MAP2K5: variants seen among roughly 807,000 people sequenced by gnomAD.
MAP2K5 encodes the protein dual specificity mitogen-activated protein kinase kinase 5.
MAP2K5 carries 49 observed loss-of-function variants against 83.1 expected under a neutral mutation model. That is an observed-to-expected ratio of 0.59 (90% CI 0.47 to 0.75). MAP2K5 has a LOEUF of 0.75. Among genes scored for constraint, MAP2K5 ranks in the 30% least tolerant of loss-of-function variants. The probability of loss-of-function intolerance (pLI) is 0.00; values close to 1 mark genes in which losing one functional copy is unlikely to be tolerated. For missense variants in MAP2K5, 457 were observed against 557.5 expected (o/e 0.82, Z 1.82); for synonymous variants, 202 against 191.8 (o/e 1.05, Z -0.44).
chr15:67,641,830 T>C (rs1435258649), intron 9 of MAP2K5, among the ~76,000 whole-genome samples: 1 of 152,204 alleles, frequency 6.6e-6, no homozygotes, highest in East Asian at 1.9e-4. Context: ...CTTTTTGCCA[T>C]TGCCTTCAAA....
chr15:67,733,756 A>G (rs2089277036), intron 17 of MAP2K5, among the ~76,000 whole-genome samples: 1 of 152,236 alleles, frequency 6.6e-6, no homozygotes, highest in Non-Finnish European at 1.5e-5. Context: ...TTAAATCCCA[A>G]TACAAGTTAA....
chr15:67,612,339 T>G (rs944979351), intron 8 of MAP2K5, among the ~76,000 whole-genome samples: 1 of 152,210 alleles, frequency 6.6e-6, no homozygotes, highest in Admixed American at 6.5e-5. Context: ...AACAGAATGT[T>G]GCCTAATTTT....
At chr15:67,679,389 G>T (rs1033616918) in intron 13 of MAP2K5, among the ~76,000 whole-genome samples, 1 of 152,084 alleles carries the variant, frequency 6.6e-6, no homozygotes. Context: ...CCAATTCAGT[G>T]GGGGGAAAAA....
chr15:67,601,690 C>T (rs1596629985), intron 8 of MAP2K5, among the ~76,000 whole-genome samples: 2 of 152,246 alleles, frequency 1.3e-5, no homozygotes, highest in East Asian at 1.9e-4. Flanking sequence ...TCTGACTAAC[C>T]ACATGAATAC....
At position 67,733,228 on chromosome 15, in the gene MAP2K5, A is replaced by G. The variant is rs555388413; in HGVS notation, c.1074+5283A>G. On this transcript the variant is annotated intron_variant, in intron 17 of 21. Transcript: ENST00000178640. ...TCAGACTTGATCTGATGTTTATACAACCGCCAGCGGAATTTTTTCGTTTGA... is the reference window on the plus strand; with the variant it reads ...TCAGACTTGATCTGATGTTTATACAGCCGCCAGCGGAATTTTTTCGTTTGA... Among the ~76,000 whole-genome samples the G allele has an allele frequency of 2.0e-5, 3 of 152,198 alleles. No homozygotes were observed. In the East Asian group the frequency reaches 5.8e-4, roughly 29 times the overall value.
intron 13 of MAP2K5, among the ~76,000 whole-genome samples, chr15:67,675,147 A>G (rs961910160): frequency 1.6e-4 from 24 of 152,162 alleles, no homozygotes; most frequent in Non-Finnish European, 3.1e-4. Flanking sequence ...ACCTGTACGC[A>G]AGTGTTTATT....
intron 21 of MAP2K5, among the ~76,000 whole-genome samples, chr15:67,805,266 T>C (rs534126680): frequency 6.6e-6 from 1 of 152,260 alleles, no homozygotes; most frequent in East Asian, 1.9e-4. Context: ...AATGAGAAGG[T>C]TGGGGGCGGG....
intron 12 of MAP2K5, among the ~76,000 whole-genome samples, chr15:67,661,169 G>A (rs1404051460): frequency 6.6e-6 from 1 of 151,732 alleles, no homozygotes; most frequent in Non-Finnish European, 1.5e-5. Flanking sequence ...TTCCCCCAAA[G>A]GAATTTATAT....
intron 13 of MAP2K5, among the ~76,000 whole-genome samples, chr15:67,683,317 A>G (rs1179915306): frequency 1.3e-5 from 2 of 152,210 alleles, no homozygotes; most frequent in African/African-American, 2.4e-5. Context: ...AAGGGATTCT[A>G]TTTGCTTCAA....
intron 11 of MAP2K5, among the ~76,000 whole-genome samples, chr15:67,647,064 A>G (rs1360300123): frequency 6.6e-6 from 1 of 152,182 alleles, no homozygotes; most frequent in Non-Finnish European, 1.5e-5. Context: ...TGATGTCATC[A>G]TTATTATTAT....
chr15:67,683,819 T>C lies in MAP2K5; in HGVS notation c.848-8660T>C, dbSNP rs2087882592. 3.3e-5 allele frequency among the ~76,000 whole-genome samples: 5 copies of C among 152,176 alleles called. No individual in the cohort carries two copies. In the South Asian group the frequency reaches 1.0e-3, roughly 31 times the overall value. ...CTTCTACTTCTGCCCATGGAGTCAC[T>C]GCTGTGGGATTTGCCCTCCACCAAA... On this transcript the variant is annotated intron_variant, in intron 13 of 21. Transcript: ENST00000178640.
chr15:67,608,496 C>T (rs1197635957), intron 8 of MAP2K5, among the ~76,000 whole-genome samples: 1 of 152,148 alleles, frequency 6.6e-6, no homozygotes, highest in Non-Finnish European at 1.5e-5. Flanking sequence ...CAGGACCCCA[C>T]AGTCTGGGGC....
intron 8 of MAP2K5, among the ~76,000 whole-genome samples, chr15:67,621,453 C>T (rs1002620271): frequency 1.9e-5 from 2 of 105,088 alleles, no homozygotes; most frequent in Non-Finnish European, 4.2e-5. Flanking sequence ...AAAAAAAGAA[C>T]AAAAGTTAAT....
intron 12 of MAP2K5, among the ~76,000 whole-genome samples, chr15:67,662,911 T>C (rs2087274285): frequency 6.6e-6 from 1 of 152,178 alleles, no homozygotes; most frequent in African/African-American, 2.4e-5. Context: ...ACTTCATTCT[T>C]TCCTGCCCCA....
In MAP2K5 at chr15:67,626,772, C is replaced by T. The variant is rs867195442; in HGVS notation, c.546-4116C>T. On this transcript the variant is annotated intron_variant, in intron 8 of 21. Coordinates refer to ENST00000178640, the MANE Select transcript of MAP2K5 (RefSeq NM_145160.3). ...AAAATTAGCCAGGCATGGTGGTATA[C>T]TCCTGTAGTACCAGCGGTTTGGGAG... is the stretch of plus-strand genomic sequence containing the variant. Among the ~76,000 whole-genome samples, 6 of 151,410 alleles carry T rather than the reference C, an allele frequency of 4.0e-5. No individual in the cohort carries two copies. In the South Asian group the frequency reaches 1.3e-3, roughly 32 times the overall value.
rs1234690540 is a variant in MAP2K5, at chr15:67,777,854, G to A, written c.1242+5102G>A. ...AGGCATTTAGCATTTCCTCAGGTTT[G>A]GTTTTCAATTTAGGCACCTAAAAAG... On this transcript the variant is annotated intron_variant, in intron 21 of 21. Transcript: ENST00000178640. This position sits in a 1 kb window ranked among gnomAD's most constrained non-coding sequence, Gnocchi z 6.0. 6.6e-6 allele frequency among the ~76,000 whole-genome samples: 1 copy of A among 152,164 alleles called. No homozygotes were observed.
chr15:67,754,509 A>G (rs1027981493), intron 19 of MAP2K5, among the ~76,000 whole-genome samples: 2 of 152,198 alleles, frequency 1.3e-5, no homozygotes, highest in African/African-American at 4.8e-5. Context: ...CCTGTGCTGG[A>G]TGACTTCATG....
rs1466979594 is a variant in MAP2K5 at position 67,750,434 on chromosome 15, A to G, written c.1134+1833A>G. Among the ~76,000 whole-genome samples, 2 of 152,212 alleles carry G rather than the reference A, an allele frequency of 1.3e-5. No homozygotes were observed. The highest frequency in any genetic ancestry group is 2.9e-5 in the Non-Finnish European group (2 of 68,040). On this transcript the variant is annotated intron_variant, in intron 19 of 21. Transcript: ENST00000178640. This position sits in a 1 kb window ranked among gnomAD's most constrained non-coding sequence, Gnocchi z 4.2. The stretch of plus-strand genomic sequence containing the variant: ...CAAGATGAATCATAGCATCTCGGAA[A>G]GGAAGGATTGGTGGGGTCCTGTACT...
At chr15:67,753,941 G>A (rs1469830957) in intron 19 of MAP2K5, among the ~76,000 whole-genome samples, 3 of 152,200 alleles carry the variant, frequency 2.0e-5, no homozygotes, top group South Asian at 2.1e-4. Flanking sequence ...TAGCCCAAAC[G>A]TAGAAAGAAT....
Sources: gnomAD v4.1 joint callset for allele counts (sites outside exome capture counted in the v4.1 genomes callset) on GRCh38, gnomAD v4.1.1 for gene constraint, Gnocchi (gnomAD v3.1) non-coding constraint, MANE v1.5 for transcripts, NCBI Gene and HGNC (gene_info 2026-07-23, HGNC 2026-07-21) for gene names.